The following MITF variants were observed in gnomAD, a reference collection of about 807,000 sequenced individuals.
The protein encoded by MITF is melanocyte inducing transcription factor, also known as microphthalmia-associated transcription factor.
In MITF, 17 loss-of-function variants were observed where a neutral mutation model predicts 60.5. That is an observed-to-expected ratio of 0.28 (90% CI 0.19 to 0.42). The LOEUF is 0.42. MITF is among the 10% of genes least tolerant of loss of function. The pLI is 1.00. For synonymous variants in MITF, 260 were observed against 248.5 expected, an observed-to-expected ratio of 1.05 and a Z score of -0.43; for missense variants, 622 against 683.5, an observed-to-expected ratio of 0.91 and a Z score of 1.00.
chr3:69,781,349 A>G lies in MITF; in HGVS notation c.104+41648A>G, dbSNP rs540690813. ...TACATAAGACTTCCAAATGTTTATT[A>G]GCCTGAATACATGCAACTAAAATGT... On this transcript the variant is annotated intron_variant, in intron 1 of 9. Coordinates refer to ENST00000352241, the MANE Select transcript of MITF (RefSeq NM_001354604.2). Among the ~76,000 whole-genome samples the G allele has an allele frequency of 5.3e-5, 8 of 152,318 alleles. No homozygotes were observed. The East Asian group carries it at 1.4e-3, about 26-fold the overall frequency.
intron 2 of MITF, among the ~76,000 whole-genome samples, chr3:69,883,983 A>G (rs562844807): frequency 6.6e-6 from 1 of 152,216 alleles, no homozygotes; most frequent in East Asian, 1.9e-4. Flanking sequence ...ATTCAGGGGG[A>G]GAAAGGGACT....
intron 1 of MITF, among the ~76,000 whole-genome samples, chr3:69,825,895 A>T (rs1021320218): frequency 2.0e-5 from 3 of 152,172 alleles, no homozygotes; most frequent in Non-Finnish European, 4.4e-5. Flanking sequence ...TTTAATCTCT[A>T]ATGATTTATT....
chr3:69,868,195 C>T (rs1269928904), intron 1 of MITF, among the ~76,000 whole-genome samples: 1 of 152,202 alleles, frequency 6.6e-6, no homozygotes, highest in African/African-American at 2.4e-5. Flanking sequence ...TTTGTGGGAA[C>T]TATGCTAAGT....
chr3:69,753,134 T>C (rs1315487297), intron 1 of MITF, among the ~76,000 whole-genome samples: 3 of 152,156 alleles, frequency 2.0e-5, no homozygotes, highest in African/African-American at 7.2e-5. Flanking sequence ...TGCATAGCCT[T>C]GGGACACTGC....
chr3:69,759,073 T>A (rs1409392254), intron 1 of MITF, among the ~76,000 whole-genome samples: 2 of 152,236 alleles, frequency 1.3e-5, no homozygotes, highest in Non-Finnish European at 2.9e-5. Flanking sequence ...ATAAAGCTGC[T>A]ACAAATACCG....
At chr3:69,845,443 T>TC (rs71126471) in intron 1 of MITF, among the ~76,000 whole-genome samples, 5 of 82,086 alleles carry the variant, frequency 6.1e-5, no homozygotes, top group African/African-American at 1.6e-4. Context: ...TTTTTCTTTC[T>TC]TTTTTTTTTT....
chr3:69,758,604 T>A (rs1431557727), intron 1 of MITF: 3 of 192,318 alleles, frequency 1.6e-5, no homozygotes, highest in Non-Finnish European at 3.3e-5. Flanking sequence ...AATCCGGTAA[T>A]ACTTATTTTA....
chr3:69,765,450 C>T (rs1170648847), intron 1 of MITF, among the ~76,000 whole-genome samples: 1 of 152,078 alleles, frequency 6.6e-6, no homozygotes, highest in Admixed American at 6.6e-5. Flanking sequence ...TAGATATTTC[C>T]ATCTTGGATC....
chr3:69,837,426 G>T (rs553786282), intron 1 of MITF, among the ~76,000 whole-genome samples: 1 of 152,284 alleles, frequency 6.6e-6, no homozygotes, highest in African/African-American at 2.4e-5. Flanking sequence ...TGCCCACAGA[G>T]TACTGAGCCT....
chr3:69,899,611 G>A (rs2064953873), intron 2 of MITF, among the ~76,000 whole-genome samples: 1 of 152,144 alleles, frequency 6.6e-6, no homozygotes, highest in Non-Finnish European at 1.5e-5. Context: ...TTCTGAGTGT[G>A]GAGTCATCTA....
intron 1 of MITF, among the ~76,000 whole-genome samples, chr3:69,850,748 C>T (rs2063810962): frequency 6.6e-6 from 1 of 152,208 alleles, no homozygotes; most frequent in Non-Finnish European, 1.5e-5. Flanking sequence ...GTGGCTCAGG[C>T]TCCCCAGACA....
At chr3:69,787,354 C>T (rs2062667518) in intron 1 of MITF, among the ~76,000 whole-genome samples, 1 of 152,182 alleles carries the variant, frequency 6.6e-6, no homozygotes, top group Non-Finnish European at 1.5e-5. Context: ...AGACTCATGA[C>T]ACAATTGACC....
At chr3:69,855,446 A>G (rs1477203602) in intron 1 of MITF, among the ~76,000 whole-genome samples, 1 of 152,290 alleles carries the variant, frequency 6.6e-6, no homozygotes, top group East Asian at 1.9e-4. Flanking sequence ...ATTTAAGCTT[A>G]AGAGTTATAG....
intron 9 of MITF, among the ~76,000 whole-genome samples, chr3:69,961,977 A>T (rs926333291): frequency 6.6e-6 from 1 of 152,224 alleles, no homozygotes; most frequent in Non-Finnish European, 1.5e-5. Context: ...AAACATTATT[A>T]ATTAGGAAAG....
intron 1 of MITF, among the ~76,000 whole-genome samples, chr3:69,859,470 A>G (rs2063974812): frequency 2.0e-5 from 3 of 152,198 alleles, no homozygotes; most frequent in Non-Finnish European, 2.9e-5. Context: ...TCCTTGGACC[A>G]GAATGGATTT....
rs1433689820 is a variant in MITF, at chr3:69,967,859, T to C, written c.*2611T>C. The C allele has an allele frequency of 4.3e-6, 1 of 232,950 alleles. No individual in the cohort carries two copies. Among genetic ancestry groups the C allele is most frequent in the African/African-American group, 2.2e-5 (1 of 45,242 alleles). The allele number at this position is 232,950 out of a possible 1,614,324, so 14.4% of individuals were successfully genotyped here. On this transcript the variant is annotated 3_prime_UTR_variant, in exon 10 of 10. Coordinates refer to ENST00000352241, the MANE Select transcript of MITF (RefSeq NM_001354604.2). Reference sequence around the variant, plus strand: ...CCGGGTGCAGAATTGTAACTCGGGGTTGGGCCTCTATATGGAGTGACCAAA... The same window carrying C: ...CCGGGTGCAGAATTGTAACTCGGGGCTGGGCCTCTATATGGAGTGACCAAA...
Position 69,842,729 on chromosome 3 carries a change from A to G in MITF, c.105-36405A>G, listed in dbSNP as rs183266064. ...TGTGTAACAAATTTGCATTTCCAAA[A>G]TCAACGTGATGGCAGAACTGACTGA... On this transcript the variant is annotated intron_variant, in intron 1 of 9. Transcript: ENST00000352241. 3.6e-4 allele frequency among the ~76,000 whole-genome samples: 50 copies of G among 138,996 alleles called. 1 individual carries two copies. Among genetic ancestry groups the G allele is most frequent in the Admixed American group, 3.3e-3 (46 of 13,950 alleles). The allele number at this position is 138,996 out of a possible 152,430, so 91.2% of individuals were successfully genotyped here. A position where few individuals can be genotyped will look rare whatever the true frequency, so the allele number is the denominator to read the frequency against.
At chr3:69,941,595 A>G (rs1198429089) in intron 5 of MITF, among the ~76,000 whole-genome samples, 2 of 152,126 alleles carry the variant, frequency 1.3e-5, no homozygotes, top group Non-Finnish European at 2.9e-5. Flanking sequence ...AGCCCTTCCA[A>G]TTCCCTTGAC....
intron 1 of MITF, among the ~76,000 whole-genome samples, chr3:69,749,256 C>G (rs1032245850): frequency 6.6e-6 from 1 of 152,214 alleles, no homozygotes; most frequent in Admixed American, 6.5e-5. Flanking sequence ...TGAACCAACA[C>G]ACAGATATGT....
Sources: gnomAD v4.1 joint callset for allele counts (sites outside exome capture counted in the v4.1 genomes callset) on GRCh38, gnomAD v4.1.1 for gene constraint, MANE v1.5 for transcripts, NCBI Gene and HGNC (gene_info 2026-07-23, HGNC 2026-07-21) for gene names.